Variants in COL5A1 observed in about 807,000 individuals in gnomAD.
The protein encoded by COL5A1 is collagen type V alpha 1 chain.
In COL5A1, 16 loss-of-function variants were observed where a neutral mutation model predicts 263.7. That is an observed-to-expected ratio of 0.06 (90% CI 0.04 to 0.09). The LOEUF (loss-of-function observed/expected upper bound fraction) is 0.09. COL5A1 is among the 10% of genes least tolerant of loss of function. The pLI is 1.00. For synonymous variants in COL5A1, 1,012 were observed against 1,004.5 expected (o/e 1.01, Z -0.14); for missense variants, 2,036 against 2,540.5 (o/e 0.80, Z 4.27).
At chr9:134,832,349 T>C (rs978122547) in intron 64 of COL5A1, among the ~76,000 whole-genome samples, 5 of 151,966 alleles carry the variant, frequency 3.3e-5, no homozygotes, top group Admixed American at 3.3e-4. Flanking sequence ...GAGGTTGCAG[T>C]GAGCTGAGAT....
At position 134,766,762 on chromosome 9, in the gene COL5A1, A is replaced by G. The variant is rs4842157; in HGVS notation, c.2134-238A>G. On this transcript the variant is annotated intron_variant, in intron 22 of 65. Coordinates refer to ENST00000371817, the MANE Select transcript of COL5A1 (RefSeq NM_000093.5). ...TTCCTTCCTGGTCGGATGTCTGGGC[A>G]TATTTGCATAAACGAGTTAGTGCTC... Among the ~76,000 whole-genome samples, 57,256 of 151,982 alleles carry G rather than the reference A, an allele frequency of 0.38. 11,231 individuals are homozygous for G. The highest frequency in any genetic ancestry group is 0.67 in the East Asian group (3,433 of 5,162).
At chr9:134,753,980 A>T in intron 15 of COL5A1, 77 bp downstream of exon 15, 1 of 1,252,374 alleles carries the variant, frequency 8.0e-7, no homozygotes, top group Non-Finnish European at 1.2e-6. Context: ...GCATGGAGGG[A>T]CCCCAACTGC....
intron 1 of COL5A1, among the ~76,000 whole-genome samples, chr9:134,688,583 G>C (rs1040860710): frequency 6.6e-6 from 1 of 152,244 alleles, no homozygotes; most frequent in Non-Finnish European, 1.5e-5. Context: ...GGGGGTGACA[G>C]AGCTGGGTGG....
intron 2 of COL5A1, among the ~76,000 whole-genome samples, chr9:134,692,207 G>A (rs1183241196): frequency 6.6e-6 from 1 of 152,186 alleles, no homozygotes; most frequent in African/African-American, 2.4e-5. Flanking sequence ...TGGAGGTGAG[G>A]TGAAGTGGCC....
At chr9:134,804,848 G>T in intron 39 of COL5A1, 127 bp from the exon 40 acceptor site, 1 of 803,270 alleles carries the variant, frequency 1.2e-6, no homozygotes. Flanking sequence ...GCCTCGCTCT[G>T]GGACTGGTGA....
intron 29 of COL5A1, among the ~76,000 whole-genome samples, chr9:134,782,992 T>C (rs912959613): frequency 6.6e-6 from 1 of 151,814 alleles, no homozygotes; most frequent in African/African-American, 2.4e-5. Flanking sequence ...ACACAGGGGG[T>C]CAGTGGGGCT....
chr9:134,654,174 ATAGGGCTGGAGGTGTG>A (rs1831808858), intron 1 of COL5A1, among the ~76,000 whole-genome samples: 1 of 39,310 alleles, frequency 2.5e-5, no homozygotes, highest in African/African-American at 1.0e-4. Context: ...CTGGAGGTGT[ATAGGGCTGGAGGTGTG>A]TAGGGCTGGA....
intron 39 of COL5A1, among the ~76,000 whole-genome samples, chr9:134,803,830 G>A (rs567334616): frequency 5.9e-5 from 9 of 151,482 alleles, no homozygotes; most frequent in East Asian, 2.0e-4. Flanking sequence ...GCGACAGAGC[G>A]AGACTCCATC....
chr9:134,762,429 C>T (rs1403294793), intron 19 of COL5A1, among the ~76,000 whole-genome samples: 1 of 152,188 alleles, frequency 6.6e-6, no homozygotes, highest in East Asian at 1.9e-4. Context: ...CCTCTGTGGG[C>T]CTGGAGGTAG....
intron 1 of COL5A1, among the ~76,000 whole-genome samples, chr9:134,654,544 T>G (rs1831854231): frequency 1.0e-5 from 1 of 99,118 alleles, no homozygotes; most frequent in Non-Finnish European, 2.0e-5. Flanking sequence ...TGTGTAGGGC[T>G]GGGTGTGTGT....
At chr9:134,644,877 C>T (rs973226268) in intron 1 of COL5A1, among the ~76,000 whole-genome samples, 3 of 152,150 alleles carry the variant, frequency 2.0e-5, no homozygotes, top group Non-Finnish European at 2.9e-5. Context: ...TGGGGAGAGT[C>T]GGCCAAGTTT....
Position 134,680,506 on chromosome 9 carries a change from C to T in COL5A1, c.110-10406C>T, listed in dbSNP as rs530155274. The stretch of plus-strand genomic sequence containing the variant: ...TGGCTGAGGACACCAACCTGGTCCC[C>T]GCTGTGGAGGGCGGAGCTGGCATCC... On this transcript the variant is annotated intron_variant, in intron 1 of 65. Coordinates refer to ENST00000371817, the MANE Select transcript of COL5A1 (RefSeq NM_000093.5). This position sits in a 1 kb window ranked among gnomAD's most constrained non-coding sequence, Gnocchi z 5.9. Among the ~76,000 whole-genome samples the T allele has an allele frequency of 2.1e-3, 315 of 152,326 alleles. No homozygotes were observed. Among genetic ancestry groups the T allele is most frequent in the South Asian group, 3.7e-3 (18 of 4,820 alleles).
chr9:134,643,022 C>T (rs895732186), intron 1 of COL5A1, among the ~76,000 whole-genome samples: 2 of 152,188 alleles, frequency 1.3e-5, no homozygotes, highest in East Asian at 3.8e-4. Flanking sequence ...GCAGGCGGGG[C>T]TGTGAGTGGT....
At position 134,838,105 on chromosome 9, in the gene COL5A1, T is replaced by C. The variant is rs191010510; in HGVS notation, c.5370+2901T>C. ...TCCGCCCATCGCCTCCTGGGTCTGG[T>C]CCCGTCAGCCATGCAGAGGGAACCG... On this transcript the variant is annotated intron_variant, in intron 65 of 65. Transcript: ENST00000371817. 2.0e-5 allele frequency among the ~76,000 whole-genome samples: 3 copies of C among 152,190 alleles called. No individual in the cohort carries two copies. The East Asian group carries it at 5.8e-4, about 29-fold the overall frequency.
At chr9:134,731,387 GATCTCTGCCCAGTTGACCGGA>G in intron 7 of COL5A1, 88 bp from the exon 8 acceptor site, 1 of 1,120,218 alleles carries the variant, frequency 8.9e-7, no homozygotes, top group Non-Finnish European at 1.3e-6. Flanking sequence ...ATGGATCTGG[GATCTCTGCCCAGTTGACCGGA>G]TAGCCACAGT....
At chr9:134,802,355 G>A (rs1432221907) in intron 38 of COL5A1, among the ~76,000 whole-genome samples, 2 of 152,182 alleles carry the variant, frequency 1.3e-5, no homozygotes, top group African/African-American at 2.4e-5. Context: ...TGGGTGTCAC[G>A]GGCCTGCGAT....
In COL5A1 at chr9:134,844,466, G is replaced by A. The variant is rs1218206671; in HGVS notation, c.*2163G>A. On this transcript the variant is annotated 3_prime_UTR_variant, in exon 66 of 66. Transcript: ENST00000371817. The stretch of plus-strand genomic sequence containing the variant: ...CTTCAAAGTTGTTATAATTTGTACT[G>A]AACTTCAAAATGTGTCCCGTTCTCC... 2 of 152,368 alleles carry A rather than the reference G, an allele frequency of 1.3e-5. No homozygotes were observed. The highest frequency in any genetic ancestry group is 2.9e-5 in the Non-Finnish European group (2 of 68,024). The allele number at this position is 152,368 out of a possible 1,614,324, so 9.4% of individuals were successfully genotyped here. A position where few individuals can be genotyped will look rare whatever the true frequency, so the allele number is the denominator to read the frequency against.
Position 134,652,969 on chromosome 9 carries a change from C to T in COL5A1, c.109+10673C>T, listed in dbSNP as rs988617228. The T allele has an allele frequency of 4.9e-5, 14 of 285,176 alleles. 1 individual carries two copies. Among genetic ancestry groups the T allele is most frequent in the South Asian group, 1.8e-4 (6 of 32,702 alleles). The allele number at this position is 285,176 out of a possible 1,614,324, so 17.7% of individuals were successfully genotyped here. A position where few individuals can be genotyped will look rare whatever the true frequency, so the allele number is the denominator to read the frequency against. On this transcript the variant is annotated intron_variant, in intron 1 of 65. Transcript: ENST00000371817. The surrounding 1 kb of genome is among the most constrained non-coding windows in gnomAD (Gnocchi z 4.4). ...TGGGGGTGCCACACTTTGCAAACCA[C>T]GAGTCGTTCTGCGTCCTCGAGCCCA...
chr9:134,760,057 C>T lies in COL5A1; in HGVS notation c.1935+1761C>T, dbSNP rs570477442. ...ACACACGCACATACACACCCACACA[C>T]CCCCACACTCATACATGCACACACG... is the stretch of plus-strand genomic sequence containing the variant. On this transcript the variant is annotated intron_variant, in intron 18 of 65. Coordinates refer to ENST00000371817, the MANE Select transcript of COL5A1 (RefSeq NM_000093.5). Among the ~76,000 whole-genome samples the T allele has an allele frequency of 3.0e-4, 40 of 134,750 alleles. No individual in the cohort carries two copies. The East Asian group carries it at 8.8e-3, about 30-fold the overall frequency. 88.4% of individuals were successfully genotyped at this position (134,750 alleles called of 152,430 possible). A position where few individuals can be genotyped will look rare whatever the true frequency, so the allele number is the denominator to read the frequency against.
Sources: allele counts gnomAD v4.1 joint callset (sites outside exome capture counted in the v4.1 genomes callset), GRCh38; gene constraint gnomAD v4.1.1; non-coding constraint Gnocchi (gnomAD v3.1); transcripts MANE v1.5; gene names NCBI Gene and HGNC (gene_info 2026-07-23, HGNC 2026-07-21).